The following TLE2 variants were observed in gnomAD, a reference collection of about 807,000 sequenced individuals.
The protein encoded by TLE2 is TLE family member 2, transcriptional corepressor.
TLE2 carries 74 observed loss-of-function variants against 97.2 expected under a neutral mutation model. That is an observed-to-expected ratio of 0.76 (90% CI 0.63 to 0.92). The LOEUF is 0.92. Among genes scored for constraint, TLE2 ranks in the 40% least tolerant of loss-of-function variants. The pLI is 0.00. For missense variants in TLE2, 1,038 were observed against 1,008.7 expected (o/e 1.03, Z -0.39); for synonymous variants, 499 against 432.1 (o/e 1.15, Z -1.92).
intron 14 of TLE2, among the ~76,000 whole-genome samples, chr19:3,008,617 A>C (rs1169092255): frequency 6.6e-6 from 1 of 151,966 alleles, no homozygotes; most frequent in Admixed American, 6.6e-5. Context: ...CGTCCGGCTA[A>C]TTTTTGTATT....
In TLE2 at chr19:3,002,474, C is replaced by G. The variant is rs2089384300; in HGVS notation, c.1926G>C (p.Gln642His). 1 of 1,594,378 alleles carries G rather than the reference C, an allele frequency of 6.3e-7. No homozygotes were observed. The highest frequency in any genetic ancestry group is 8.5e-7 in the Non-Finnish European group (1 of 1,170,598). Residue 642 changes from glutamine to histidine, a missense_variant, in exon 18 of 20, where the codon CAG (glutamine) becomes CAC (histidine). By Grantham distance (24) the Gln-to-His change is conservative. Transcript: ENST00000262953. ...QIFSLGHCPN[Q>H]DWLAVGMESS... ...TCTCCATTCCGACCGCCAGCCAGTC[C>G]TGGTTAGGGCAGTGGCCCAGGGAGA...
chr19:3,041,187 T>C (rs1387166946), intron 1 of TLE2, among the ~76,000 whole-genome samples: 1 of 150,262 alleles, frequency 6.7e-6, no homozygotes, highest in African/African-American at 2.4e-5. Flanking sequence ...CCACCACGCC[T>C]GGCTAATTTT....
intron 15 of TLE2, 130 bp downstream of exon 15, chr19:3,006,290 G>C (rs1023928471): frequency 7.2e-7 from 1 of 1,394,662 alleles, no homozygotes; most frequent in Non-Finnish European, 9.8e-7. Context: ...TACGAGCTCC[G>C]CCCCTCACCT....
At chr19:3,016,865 G>A (rs1487994193) in intron 8 of TLE2, among the ~76,000 whole-genome samples, 3 of 151,590 alleles carry the variant, frequency 2.0e-5, no homozygotes, top group Admixed American at 6.6e-5. Flanking sequence ...TGCAACCTCC[G>A]CCTCCCGGGT....
intron 3 of TLE2, 90 bp downstream of exon 3, chr19:3,028,229 C>T (rs2089977832): frequency 2.3e-6 from 3 of 1,324,784 alleles, no homozygotes; most frequent in Middle Eastern, 4.9e-4. Flanking sequence ...AGACGAGGTT[C>T]GGAGTGGGGC....
At chr19:2,998,838 G>C (rs986528735) in intron 19 of TLE2, among the ~76,000 whole-genome samples, 15 of 152,326 alleles carry the variant, frequency 9.8e-5, no homozygotes, top group African/African-American at 2.6e-4. Flanking sequence ...CTCAGAGTGG[G>C]TGTGCACCAG....
In TLE2 at chr19:3,006,595, G is replaced by C; in HGVS notation, c.1325C>G (p.Ala442Gly). 1.9e-6 allele frequency: 3 copies of C among 1,608,192 alleles called. No individual in the cohort carries two copies. Among genetic ancestry groups the C allele is most frequent in the Non-Finnish European group, 2.5e-6 (3 of 1,177,886 alleles). Residue 442 changes from alanine (A) to glycine (G), a missense_variant, in exon 15 of 20, where the codon GCG becomes GGG. Transcript: ENST00000262953. ...CTGCCGGGCGTGCCGCGGGATGCCC[G>C]CGCCTACCAGTGCATCCGAGGGGAA... is the stretch of plus-strand genomic sequence containing the variant. ...VPFPSDALVG[A>G]GIPRHARQLH...
In TLE2 at chr19:3,015,642, C is replaced by T. The variant is rs761925619; in HGVS notation, c.678+11G>A. ...CACGCCCATCCCAGTCCTGCACCTGCCCCCACTCACATAAGGTCCTGATGG... is the reference window on the plus strand; with the variant it reads ...CACGCCCATCCCAGTCCTGCACCTGTCCCCACTCACATAAGGTCCTGATGG... On this transcript the variant is annotated intron_variant, in intron 9 of 19. Transcript: ENST00000262953. 1.3e-6 allele frequency: 2 copies of T among 1,596,316 alleles called. No individual in the cohort carries two copies. The highest frequency in any genetic ancestry group is 4.5e-5 in the East Asian group (2 of 44,234).
At chr19:3,008,488 T>C (rs971585970) in intron 14 of TLE2, among the ~76,000 whole-genome samples, 1 of 151,538 alleles carries the variant, frequency 6.6e-6, no homozygotes, top group Non-Finnish European at 1.5e-5. Context: ...TCTCGCTCTA[T>C]TGCCCAGGCT....
intron 18 of TLE2, 89 bp downstream of exon 18, chr19:3,002,263 AT>A: frequency 7.1e-7 from 1 of 1,403,566 alleles, no homozygotes; most frequent in Non-Finnish European, 9.5e-7. Context: ...AAATAACATT[AT>A]TTGTTATTTA....
intron 4 of TLE2, among the ~76,000 whole-genome samples, chr19:3,026,256 G>A (rs1708127626): frequency 6.6e-6 from 1 of 151,932 alleles, no homozygotes; most frequent in African/African-American, 2.4e-5. Context: ...AGACCAGCCT[G>A]GCCAACATGG....
chr19:3,016,544 T>C (rs2089709750), intron 8 of TLE2, among the ~76,000 whole-genome samples: 1 of 146,272 alleles, frequency 6.8e-6, no homozygotes, highest in Non-Finnish European at 1.5e-5. Context: ...GAGCCGAGAT[T>C]GCACCACTGC....
At chr19:3,018,496 T>C (rs1337639670) in intron 7 of TLE2, among the ~76,000 whole-genome samples, 1 of 151,754 alleles carries the variant, frequency 6.6e-6, no homozygotes, top group Non-Finnish European at 1.5e-5. Context: ...TTTCACCACG[T>C]TGACCAGGCT....
intron 13 of TLE2, 134 bp from the exon 14 acceptor site, chr19:3,009,079 T>C: frequency 4.8e-6 from 3 of 627,004 alleles, no homozygotes; most frequent in South Asian, 2.4e-5. Context: ...TCTCTCTGCC[T>C]GTCACACTAC....
intron 19 of TLE2, 104 bp downstream of exon 19, chr19:3,000,543 G>T: frequency 9.7e-7 from 1 of 1,033,400 alleles, no homozygotes; most frequent in Non-Finnish European, 1.4e-6. Context: ...GGTTAGGGTG[G>T]CGGGGGGACC....
chr19:3,041,014 T>TATATATATATATGTATATATATATA (rs55998855), intron 1 of TLE2, among the ~76,000 whole-genome samples: 5 of 20,166 alleles, frequency 2.5e-4, no homozygotes, highest in East Asian at 2.3e-3. Flanking sequence ...TATATATATA[T>TATATATATATATGTATATATATATA]TTTTTTTTTT....
rs2089245803 is a variant in TLE2 at position 2,997,731 on chromosome 19, G to A, written c.*117C>T. 2 of 728,292 alleles carry A rather than the reference G, an allele frequency of 2.7e-6. No individual in the cohort carries two copies. Among genetic ancestry groups the A allele is most frequent in the East Asian group, 5.4e-5 (2 of 36,808 alleles). The allele number at this position is 728,292 out of a possible 1,614,324, so 45.1% of individuals were successfully genotyped here. A position where few individuals can be genotyped will look rare whatever the true frequency, so the allele number is the denominator to read the frequency against. On this transcript the variant is annotated 3_prime_UTR_variant, in exon 20 of 20. Coordinates refer to ENST00000262953, the MANE Select transcript of TLE2 (RefSeq NM_003260.5). ...GGAAGGTGTGAAGCCGTTGGCCAGA[G>A]AGCAGATGGGATGTACGGTTCCTAG...
chr19:3,022,386 C>T (rs1041275868), intron 5 of TLE2, among the ~76,000 whole-genome samples: 1 of 151,498 alleles, frequency 6.6e-6, no homozygotes, highest in Admixed American at 6.6e-5. Flanking sequence ...AAAAACTAGC[C>T]GGCATGATGG....
chr19:3,006,596 C>T lies in TLE2; in HGVS notation c.1324G>A (p.Ala442Thr), dbSNP rs1310242637. ...VPFPSDALVGAGIPRHARQLH... is the reference protein window; with the variant it reads ...VPFPSDALVGTGIPRHARQLH... ...TGCCGGGCGTGCCGCGGGATGCCCGCGCCTACCAGTGCATCCGAGGGGAAG... is the reference window on the plus strand; with the variant it reads ...TGCCGGGCGTGCCGCGGGATGCCCGTGCCTACCAGTGCATCCGAGGGGAAG... The change falls in exon 15 of 20, where the codon GCG becomes ACG. Residue 442 changes from alanine (A) to threonine (T), a missense_variant. Coordinates refer to ENST00000262953, the MANE Select transcript of TLE2 (RefSeq NM_003260.5). The T allele has an allele frequency of 3.7e-6, 6 of 1,608,484 alleles. No individual in the cohort carries two copies. Among genetic ancestry groups the T allele is most frequent in the Non-Finnish European group, 5.1e-6 (6 of 1,178,076 alleles).
Sources: allele counts gnomAD v4.1 joint callset (sites outside exome capture counted in the v4.1 genomes callset), GRCh38; gene constraint gnomAD v4.1.1; transcripts MANE v1.5; gene names NCBI Gene and HGNC (gene_info 2026-07-23, HGNC 2026-07-21).